Variants in UBE2Q2 observed in about 807,000 individuals in gnomAD.
UBE2Q2 encodes ubiquitin conjugating enzyme E2 Q2.
Under a neutral mutation model 59.9 loss-of-function variants are expected in UBE2Q2, and 54 were observed. The observed-to-expected ratio is 0.90, with a 90% CI of 0.72 to 1.13. The LOEUF (loss-of-function observed/expected upper bound fraction) is 1.13. Ranked by LOEUF, UBE2Q2 falls within the 50% of genes most tolerant of loss-of-function variation. The pLI is 0.00. For synonymous variants in UBE2Q2, 165 were observed against 155.2 expected (o/e 1.06, Z -0.47); for missense variants, 433 against 441.9 (o/e 0.98, Z 0.18).
intron 3 of UBE2Q2, among the ~76,000 whole-genome samples, chr15:75,861,421 A>AC (rs1897202284): frequency 1.3e-5 from 2 of 152,180 alleles, no homozygotes; most frequent in Non-Finnish European, 2.9e-5. Flanking sequence ...GTGTGCTGAA[A>AC]CAGCACAACA....
At chr15:75,898,788 A>G (rs1899581862) in intron 12 of UBE2Q2, among the ~76,000 whole-genome samples, 1 of 152,176 alleles carries the variant, frequency 6.6e-6, no homozygotes, top group South Asian at 2.1e-4. Context: ...TTTCAAGTAT[A>G]GAACTGAAGT....
At chr15:75,871,570 A>G (rs1282387215) in intron 4 of UBE2Q2, among the ~76,000 whole-genome samples, 1 of 152,206 alleles carries the variant, frequency 6.6e-6, no homozygotes, top group African/African-American at 2.4e-5. Context: ...GGAAGTGGTG[A>G]TGACTCTTAA....
At chr15:75,873,680 C>T (rs1437508687) in intron 5 of UBE2Q2, 112 bp downstream of exon 5, 3 of 1,231,524 alleles carry the variant, frequency 2.4e-6, no homozygotes, top group South Asian at 1.5e-5. Context: ...TCCATTTCTG[C>T]CTTAGTGGTG....
intron 4 of UBE2Q2, among the ~76,000 whole-genome samples, chr15:75,870,920 A>G (rs1471596078): frequency 1.3e-5 from 2 of 152,322 alleles, no homozygotes; most frequent in African/African-American, 4.8e-5. Flanking sequence ...AGACTTGGAA[A>G]AGAAAAAGAC....
intron 3 of UBE2Q2, among the ~76,000 whole-genome samples, chr15:75,862,190 G>T (rs1015485481): frequency 6.6e-6 from 1 of 152,106 alleles, no homozygotes; most frequent in African/African-American, 2.4e-5. Context: ...TGTGGGATGG[G>T]CCCATCCAAG....
At chr15:75,878,743 T>G (rs1194311626) in intron 7 of UBE2Q2, among the ~76,000 whole-genome samples, 2 of 152,236 alleles carry the variant, frequency 1.3e-5, no homozygotes, top group Non-Finnish European at 2.9e-5. Flanking sequence ...ACTTTTCTCC[T>G]TGAACCCTTT....
In UBE2Q2 at chr15:75,890,948, G is replaced by A. The variant is rs142780659; in HGVS notation, c.963G>A (p.Ser321=). 781 of 1,612,516 alleles carry A rather than the reference G, an allele frequency of 4.8e-4. 1 individual carries two copies. The highest frequency in any genetic ancestry group is 4.2e-4 in the Non-Finnish European group (490 of 1,179,910). ...GGAGCAGTGCCTACTCAATAGAATCGGTCATCATGCAAATAAATGCCACCT... is the reference window on the plus strand; with the variant it reads ...GGAGCAGTGCCTACTCAATAGAATCAGTCATCATGCAAATAAATGCCACCT... The part of the protein sequence containing the change: ...QGWSSAYSIE[S]VIMQINATLV... Residue 321 remains serine, a synonymous_variant, in exon 11 of 13, where the codon TCG becomes TCA. Coordinates refer to ENST00000267938, the MANE Select transcript of UBE2Q2 (RefSeq NM_173469.4).
Position 75,876,167 on chromosome 15 carries a change from C to A in UBE2Q2, c.589-20C>A. On this transcript the variant is annotated intron_variant, in intron 5 of 12. Transcript: ENST00000267938. The stretch of plus-strand genomic sequence containing the variant: ...TCTTAGCTCAGCAGACCCTGGTAAA[C>A]AGTGGCTTTTGTGTTTCAGGGTGCA... 6.2e-7 allele frequency: 1 copy of A among 1,610,230 alleles called. No homozygotes were observed. Among genetic ancestry groups the A allele is most frequent in the Non-Finnish European group, 8.5e-7 (1 of 1,178,086 alleles).
intron 9 of UBE2Q2, among the ~76,000 whole-genome samples, chr15:75,886,383 G>T (rs748004586): frequency 4.6e-5 from 7 of 152,024 alleles, no homozygotes; most frequent in Non-Finnish European, 1.0e-4. Context: ...GCCTCCCAAA[G>T]TGCTAGGATT....
At chr15:75,850,502 T>C (rs973143129) in intron 1 of UBE2Q2, among the ~76,000 whole-genome samples, 2 of 152,206 alleles carry the variant, frequency 1.3e-5, no homozygotes, top group African/African-American at 4.8e-5. Context: ...GAGGTCTAGC[T>C]TCAGGGAAAA....
chr15:75,851,736 A>C (rs1033636702), intron 1 of UBE2Q2, among the ~76,000 whole-genome samples: 2 of 152,214 alleles, frequency 1.3e-5, no homozygotes, highest in African/African-American at 2.4e-5. Context: ...AATTCACTTC[A>C]TGACTTAGTC....
At chr15:75,864,643 T>G (rs1250911592) in intron 3 of UBE2Q2, among the ~76,000 whole-genome samples, 1 of 151,944 alleles carries the variant, frequency 6.6e-6, no homozygotes, top group African/African-American at 2.4e-5. Context: ...TCATGTATAC[T>G]TCTAAGCTGT....
intron 1 of UBE2Q2, chr15:75,844,059 C>T (rs1896177034): frequency 2.1e-6 from 3 of 1,408,176 alleles, no homozygotes; most frequent in Non-Finnish European, 1.8e-6. Context: ...TTTCCGGCTT[C>T]TCGCCAGGGG....
In UBE2Q2 at chr15:75,879,145, A is replaced by G. The variant is rs772676262; in HGVS notation, c.782A>G (p.Glu261Gly). Reference protein sequence around the residue: ...PLHSDLQILKEKEGIEYILLN... With the variant: ...PLHSDLQILKGKEGIEYILLN... ...CACAGTGATCTTCAGATCTTAAAAG[A>G]AAAAGAAGGCATAGAATATATTTTG... The change falls in exon 8 of 13, where the codon GAA (glutamate) becomes GGA (glycine). Residue 261 changes from glutamate to glycine, a missense_variant. By Grantham distance (98) the Glu-to-Gly change is moderately conservative. Transcript: ENST00000267938. 6.2e-7 allele frequency: 1 copy of G among 1,603,168 alleles called. No individual in the cohort carries two copies. The highest frequency in any genetic ancestry group is 8.5e-7 in the Non-Finnish European group (1 of 1,175,158).
intron 11 of UBE2Q2, among the ~76,000 whole-genome samples, chr15:75,894,168 G>C (rs548156853): frequency 6.6e-6 from 1 of 152,308 alleles, no homozygotes; most frequent in African/African-American, 2.4e-5. Context: ...TTACTTATCA[G>C]AGACTAAAGG....
At chr15:75,878,428 CAA>C (rs1555422440) in intron 7 of UBE2Q2, 2 of 15,956 alleles carry the variant, frequency 1.3e-4, no homozygotes, top group Non-Finnish European at 2.4e-4. Context: ...TTCATCTCTA[CAA>C]AAAAAAAAAA....
At chr15:75,879,060 C>T (rs1898246184) in intron 7 of UBE2Q2, 38 bp from the exon 8 acceptor site, 2 of 1,430,982 alleles carry the variant, frequency 1.4e-6, no homozygotes, top group African/African-American at 1.5e-5. Flanking sequence ...AAATCTCTAA[C>T]TTTTTATTTG....
In UBE2Q2 at chr15:75,891,156, T is replaced by C. The variant is rs1460315629; in HGVS notation, c.1029+142T>C. 8.2e-6 allele frequency: 5 copies of C among 608,424 alleles called. No individual in the cohort carries two copies. The Admixed American group carries it at 1.6e-4, about 19-fold the overall frequency. 37.7% of individuals were successfully genotyped at this position (608,424 alleles called of 1,614,324 possible). A position where few individuals can be genotyped will look rare whatever the true frequency, so the allele number is the denominator to read the frequency against. ...TTTTCTTCTTGTTACAAAAGTGATCTATAGAAAATATGGAATTATAAGAAA... is the reference window on the plus strand; with the variant it reads ...TTTTCTTCTTGTTACAAAAGTGATCCATAGAAAATATGGAATTATAAGAAA... On this transcript the variant is annotated intron_variant, in intron 11 of 12. Coordinates refer to ENST00000267938, the MANE Select transcript of UBE2Q2 (RefSeq NM_173469.4).
chr15:75,894,821 C>T (rs1183338283), intron 11 of UBE2Q2, among the ~76,000 whole-genome samples: 1 of 152,062 alleles, frequency 6.6e-6, no homozygotes, highest in East Asian at 1.9e-4. Context: ...AAAGTGACTG[C>T]TTCACAGTCA....
Sources: gnomAD v4.1 joint callset for allele counts (sites outside exome capture counted in the v4.1 genomes callset) on GRCh38, gnomAD v4.1.1 for gene constraint, MANE v1.5 for transcripts, NCBI Gene and HGNC (gene_info 2026-07-23, HGNC 2026-07-21) for gene names.